The following NKAIN2 variants were observed in gnomAD, a reference collection of about 807,000 sequenced individuals.
NKAIN2 encodes sodium/potassium-transporting ATPase subunit beta-1-interacting protein 2.
Under a neutral mutation model 32.6 loss-of-function variants are expected in NKAIN2, and 14 were observed. The observed-to-expected ratio is 0.43, with a 90% CI of 0.28 to 0.67. The LOEUF is 0.67. Among genes scored for constraint, NKAIN2 ranks in the 30% least tolerant of loss-of-function variants. The pLI is 0.17. For missense variants in NKAIN2, 198 were observed against 258.3 expected, an observed-to-expected ratio of 0.77 and a Z score of 1.60; for synonymous variants, 80 against 87.2, an observed-to-expected ratio of 0.92 and a Z score of 0.46.
intron 3 of NKAIN2, among the ~76,000 whole-genome samples, chr6:124,502,446 C>G (rs937302748): frequency 6.6e-6 from 1 of 152,186 alleles, no homozygotes; most frequent in African/African-American, 2.4e-5. Flanking sequence ...CTTGTGAATT[C>G]TTCCACACAT....
intron 1 of NKAIN2, among the ~76,000 whole-genome samples, chr6:123,910,066 A>G (rs1308610544): frequency 1.3e-5 from 2 of 152,174 alleles, no homozygotes; most frequent in Non-Finnish European, 2.9e-5. Flanking sequence ...TGGTTTGGAA[A>G]TGCACTTAAT....
At chr6:123,820,293 A>G (rs1351049971) in intron 1 of NKAIN2, among the ~76,000 whole-genome samples, 1 of 152,242 alleles carries the variant, frequency 6.6e-6, no homozygotes, top group Admixed American at 6.5e-5. Context: ...TCCTGCTTAC[A>G]TAGCTAAATG....
chr6:124,712,102 T>TG (rs1054122566), intron 4 of NKAIN2, among the ~76,000 whole-genome samples: 1 of 151,458 alleles, frequency 6.6e-6, no homozygotes, highest in Admixed American at 6.6e-5. Flanking sequence ...GTGCCCCTGC[T>TG]GGGGGGTGCC....
chr6:124,068,316 T>A (rs1012544683), intron 1 of NKAIN2, among the ~76,000 whole-genome samples: 3 of 152,190 alleles, frequency 2.0e-5, no homozygotes, highest in African/African-American at 7.2e-5. Context: ...TTGGTGTCAT[T>A]GAGATCACAT....
At chr6:123,961,353 A>G (rs1777842436) in intron 1 of NKAIN2, among the ~76,000 whole-genome samples, 1 of 152,188 alleles carries the variant, frequency 6.6e-6, no homozygotes, top group East Asian at 1.9e-4. Flanking sequence ...AACTTGTTTA[A>G]AGCTCACGTG....
chr6:124,053,476 CCAT>C (rs775741347), intron 1 of NKAIN2, among the ~76,000 whole-genome samples: 1 of 152,182 alleles, frequency 6.6e-6, no homozygotes, highest in Non-Finnish European at 1.5e-5. Context: ...TGCTATACCT[CCAT>C]AGGCATAGGT....
At chr6:124,748,880 A>G (rs1777579880) in intron 4 of NKAIN2, among the ~76,000 whole-genome samples, 1 of 149,980 alleles carries the variant, frequency 6.7e-6, no homozygotes, top group African/African-American at 2.4e-5. Context: ...GTGCAAGTAT[A>G]TTCGTTTTCT....
rs544878193 is a variant in NKAIN2 at position 124,393,268 on chromosome 6, A to C, written c.273+37921A>C. ...TACTACAGAGATATTCATTAGCATC[A>C]TCGTTACACAATGGCCCAATACGTA... On this transcript the variant is annotated intron_variant, in intron 3 of 6. Coordinates refer to ENST00000368417, the MANE Select transcript of NKAIN2 (RefSeq NM_001040214.3). Among the ~76,000 whole-genome samples, 3 of 152,238 alleles carry C rather than the reference A, an allele frequency of 2.0e-5. No homozygotes were observed. In the East Asian group the frequency reaches 5.8e-4, roughly 29 times the overall value.
At chr6:124,174,990 C>G (rs1204682510) in intron 1 of NKAIN2, among the ~76,000 whole-genome samples, 1 of 152,102 alleles carries the variant, frequency 6.6e-6, no homozygotes, top group Non-Finnish European at 1.5e-5. Context: ...AATTTTAATT[C>G]ACAGAATGAT....
chr6:124,601,527 T>A lies in NKAIN2; in HGVS notation c.274-56659T>A, dbSNP rs147325801. ...ATAGTTCAAAAGTGCCACTGATGGG[T>A]TTTGTGGAAGTAAATGAAAGGCCCA... On this transcript the variant is annotated intron_variant, in intron 3 of 6. Coordinates refer to ENST00000368417, the MANE Select transcript of NKAIN2 (RefSeq NM_001040214.3). 2.8e-3 allele frequency among the ~76,000 whole-genome samples: 419 copies of A among 152,038 alleles called. 2 individuals are homozygous for A. Among genetic ancestry groups the A allele is most frequent in the African/African-American group, 9.4e-3 (389 of 41,510 alleles).
chr6:124,595,014 GAA>G (rs1236878335), intron 3 of NKAIN2, among the ~76,000 whole-genome samples: 3 of 152,150 alleles, frequency 2.0e-5, no homozygotes, highest in African/African-American at 7.2e-5. Context: ...AGAGACAGAG[GAA>G]AAGAGGTTGT....
intron 4 of NKAIN2, among the ~76,000 whole-genome samples, chr6:124,686,236 G>A (rs1773872821): frequency 6.6e-6 from 1 of 152,116 alleles, no homozygotes; most frequent in Non-Finnish European, 1.5e-5. Flanking sequence ...CGCAAGGCAG[G>A]CCTTACATAC....
intron 1 of NKAIN2, among the ~76,000 whole-genome samples, chr6:124,145,217 G>A (rs1033622140): frequency 6.6e-5 from 10 of 152,154 alleles, no homozygotes; most frequent in African/African-American, 2.4e-4. Context: ...CATTTTGGCA[G>A]TTCCTTATAA....
chr6:124,278,649 T>TTA (rs1795146952), intron 1 of NKAIN2, among the ~76,000 whole-genome samples: 2 of 49,692 alleles, frequency 4.0e-5, no homozygotes, highest in Non-Finnish European at 7.8e-5. Context: ...TATACATAGC[T>TTA]CATATATATA....
At chr6:124,274,366 T>C (rs914196689) in intron 1 of NKAIN2, among the ~76,000 whole-genome samples, 1 of 152,180 alleles carries the variant, frequency 6.6e-6, no homozygotes, top group Admixed American at 6.5e-5. Flanking sequence ...TAAAAATAGT[T>C]ATTAGTGTGT....
intron 1 of NKAIN2, among the ~76,000 whole-genome samples, chr6:124,088,471 A>G (rs1054257647): frequency 6.6e-6 from 1 of 151,954 alleles, no homozygotes; most frequent in Non-Finnish European, 1.5e-5. Flanking sequence ...CAAAATTGAC[A>G]TTTATCTTAG....
chr6:124,193,700 G>A (rs1189807612), intron 1 of NKAIN2, among the ~76,000 whole-genome samples: 1 of 152,104 alleles, frequency 6.6e-6, no homozygotes, highest in East Asian at 1.9e-4. Flanking sequence ...CAGGAAGAAC[G>A]AGGTATGCAG....
intron 1 of NKAIN2, among the ~76,000 whole-genome samples, chr6:124,070,002 C>G (rs934523431): frequency 6.6e-6 from 1 of 152,176 alleles, no homozygotes; most frequent in Non-Finnish European, 1.5e-5. Flanking sequence ...GTTTAGGAAG[C>G]AGGAGAGCTA....
chr6:124,570,547 G>C (rs567904660), intron 3 of NKAIN2, among the ~76,000 whole-genome samples: 32 of 152,316 alleles, frequency 2.1e-4, no homozygotes, highest in Middle Eastern at 3.4e-3. Flanking sequence ...TGGCTTTAGA[G>C]GGTGGAAGCC....
Sources: allele counts gnomAD v4.1 joint callset (sites outside exome capture counted in the v4.1 genomes callset), GRCh38; gene constraint gnomAD v4.1.1; transcripts MANE v1.5; gene names NCBI Gene and HGNC (gene_info 2026-07-23, HGNC 2026-07-21).